TOMM40: variants seen among roughly 807,000 people sequenced by gnomAD.
The protein encoded by TOMM40 is mitochondrial import receptor subunit TOM40 homolog.
In TOMM40, 9 loss-of-function variants were observed where a neutral mutation model predicts 38.4. That is an observed-to-expected ratio of 0.23 (90% CI 0.14 to 0.41). The LOEUF (loss-of-function observed/expected upper bound fraction) is 0.41, where lower values mean the gene tolerates loss of function less well. TOMM40 is among the 10% of genes least tolerant of loss of function. The pLI, the probability that TOMM40 is intolerant of heterozygous loss-of-function variation, is 1.00. For missense variants in TOMM40, 299 were observed against 486.5 expected (o/e 0.61, Z 3.63); for synonymous variants, 184 against 210.0 (o/e 0.88, Z 1.07).
intron 1 of TOMM40, 86 bp downstream of exon 1, chr19:44,891,775 C>T: frequency 7.8e-7 from 1 of 1,288,348 alleles, no homozygotes; most frequent in Non-Finnish European, 1.0e-6. Flanking sequence ...GGATTTGGCG[C>T]GCACCATTGG....
chr19:44,899,791 CTTTTTTTTTT>C (rs10524523), intron 5 of TOMM40, among the ~76,000 whole-genome samples: 7 of 90,984 alleles, frequency 7.7e-5, no homozygotes, highest in African/African-American at 2.2e-4. Flanking sequence ...TTGCATCTGG[CTTTTTTTTTT>C]TTTTTTTTTT....
At chr19:44,900,155 C>T (rs1160985) in intron 5 of TOMM40, among the ~76,000 whole-genome samples, 77,741 of 151,904 alleles carry the variant, frequency 0.51, 20,520 homozygotes, top group African/African-American at 0.64. Context: ...CACAGGAACG[C>T]AGACTTGGAC....
intron 5 of TOMM40, 102 bp downstream of exon 5, chr19:44,894,168 T>G: frequency 1.2e-6 from 1 of 869,108 alleles, no homozygotes; most frequent in Admixed American, 3.4e-5. Flanking sequence ...ACTGGAGAAG[T>G]GGCTCAGCAG....
intron 5 of TOMM40, among the ~76,000 whole-genome samples, chr19:44,898,479 C>G (rs1969609726): frequency 6.6e-6 from 1 of 151,294 alleles, no homozygotes; most frequent in African/African-American, 2.4e-5. Context: ...CCCTCTTCCC[C>G]CTTCATTTCT....
At chr19:44,897,791 AGAG>A (rs1447339358) in intron 5 of TOMM40, among the ~76,000 whole-genome samples, 22 of 94,440 alleles carry the variant, frequency 2.3e-4, no homozygotes, top group Middle Eastern at 4.0e-3. Context: ...AAAAAAAAAA[AGAG>A]AGAGAGAGGG....
chr19:44,897,917 C>T (rs1969597745), intron 5 of TOMM40, among the ~76,000 whole-genome samples: 1 of 152,062 alleles, frequency 6.6e-6, no homozygotes, highest in Non-Finnish European at 1.5e-5. Flanking sequence ...GCTACTGTGC[C>T]CCGCCCGTGT....
intron 5 of TOMM40, among the ~76,000 whole-genome samples, chr19:44,899,790 G>GTTT: frequency 9.0e-6 from 1 of 111,648 alleles, no homozygotes; most frequent in Non-Finnish European, 1.9e-5. Context: ...ATTGCATCTG[G>GTTT]CTTTTTTTTT....
intron 5 of TOMM40, among the ~76,000 whole-genome samples, chr19:44,899,839 C>T (rs1969646257): frequency 8.3e-6 from 1 of 121,178 alleles, no homozygotes; most frequent in Non-Finnish European, 1.6e-5. Flanking sequence ...GATGGGGTCT[C>T]ACCATGTTGC....
intron 3 of TOMM40, among the ~76,000 whole-genome samples, chr19:44,893,270 T>G (rs895152594): frequency 3.9e-5 from 6 of 152,168 alleles, no homozygotes; most frequent in African/African-American, 1.4e-4. Flanking sequence ...TCTAGGGGGT[T>G]GTGGAGAGTC....
rs1443683044 is a variant in TOMM40 at position 44,903,171 on chromosome 19, C to T, written c.*2C>T. The stretch of plus-strand genomic sequence containing the variant: ...GGCTTTGGCCTCACCATCGGCTGAG[C>T]CCTCCTGGCCCCCGCCTTCCACGCC... On this transcript the variant is annotated 3_prime_UTR_variant, in exon 9 of 9. Coordinates refer to ENST00000426677, the MANE Select transcript of TOMM40 (RefSeq NM_001128917.2). 7 of 1,605,486 alleles carry T rather than the reference C, an allele frequency of 4.4e-6. No individual in the cohort carries two copies. The Admixed American group carries it at 1.2e-4, about 27-fold the overall frequency.
intron 5 of TOMM40, among the ~76,000 whole-genome samples, chr19:44,897,644 C>T (rs1433243637): frequency 2.6e-5 from 4 of 151,926 alleles, no homozygotes; most frequent in Non-Finnish European, 4.4e-5. Flanking sequence ...CGTCGTGGCA[C>T]ATGCGTGTAA....
chr19:44,892,758 C>G, intron 2 of TOMM40, 79 bp from the exon 3 acceptor site: 1 of 1,224,430 alleles, frequency 8.2e-7, no homozygotes, highest in Non-Finnish European at 1.2e-6. Flanking sequence ...CCCTGCCCAG[C>G]CCAGAGACCT....
intron 5 of TOMM40, among the ~76,000 whole-genome samples, chr19:44,898,525 C>CTTTTTTTTTTTTT (rs71173106): frequency 1.4e-3 from 125 of 89,008 alleles, no homozygotes; most frequent in South Asian, 2.2e-3. Context: ...TTTTTTTTTT[C>CTTTTTTTTTTTTT]TTTTTTTTTT....
chr19:44,892,254 G>C (rs1969480557), intron 1 of TOMM40, 139 bp from the exon 2 acceptor site: 1 of 855,158 alleles, frequency 1.2e-6, no homozygotes, highest in African/African-American at 1.7e-5. Flanking sequence ...TAACTAGGCT[G>C]TACTGCCTCT....
chr19:44,894,261 CTTTTTTT>C (rs35647923), intron 5 of TOMM40, among the ~76,000 whole-genome samples, 195 bp downstream of exon 5: 2 of 133,668 alleles, frequency 1.5e-5, no homozygotes, highest in African/African-American at 2.9e-5. Context: ...TCAGAGCAGT[CTTTTTTT>C]TTTTTTTTTT....
chr19:44,901,345 C>A, intron 8 of TOMM40, 35 bp downstream of exon 8: 1 of 1,593,968 alleles, frequency 6.3e-7, no homozygotes, highest in South Asian at 1.1e-5. Flanking sequence ...GGGAAACAGG[C>A]AGGAGGTGAC....
chr19:44,891,462 C>T lies in TOMM40; in HGVS notation c.47C>T (p.Pro16Leu), dbSNP rs1428051016. The T allele has an allele frequency of 7.7e-7, 1 of 1,299,684 alleles. No homozygotes were observed. The highest frequency in any genetic ancestry group is 9.7e-7 in the Non-Finnish European group (1 of 1,030,048). The allele number at this position is 1,299,684 out of a possible 1,614,324, so 80.5% of individuals were successfully genotyped here. A position where few individuals can be genotyped will look rare whatever the true frequency, so the allele number is the denominator to read the frequency against. Residue 16 changes from proline (P) to leucine (L), a missense_variant, in exon 1 of 9, where the codon CCG (proline) becomes CTG (leucine). Physicochemically the swap from Pro to Leu is moderately conservative, Grantham distance 98 (BLOSUM62 -3). Coordinates refer to ENST00000426677, the MANE Select transcript of TOMM40 (RefSeq NM_001128917.2). ...AGCTCGCCGCCCGCAGGGCCGCCAC[C>T]GCCGCCTGCGCCGGCCCTCGTGGGG... ...AASSPPAGPP[P>L]PPAPALVGLP...
At chr19:44,892,493 A>G in intron 2 of TOMM40, 33 bp downstream of exon 2, 1 of 1,602,938 alleles carries the variant, frequency 6.2e-7, no homozygotes, top group Non-Finnish European at 8.5e-7. Context: ...CCCACCAGAG[A>G]TCGTCCCCGC....
chr19:44,896,375 CTCATCTG>C (rs1969566522), intron 5 of TOMM40, among the ~76,000 whole-genome samples: 1 of 152,200 alleles, frequency 6.6e-6, no homozygotes, highest in Admixed American at 6.5e-5. Context: ...CTTCAGTCTC[CTCATCTG>C]TCACTTGGGC....
Sources: gnomAD v4.1 joint callset for allele counts (sites outside exome capture counted in the v4.1 genomes callset) on GRCh38, gnomAD v4.1.1 for gene constraint, MANE v1.5 for transcripts, NCBI Gene and HGNC (gene_info 2026-07-23, HGNC 2026-07-21) for gene names.